The following NFATC4 variants were observed in gnomAD, a reference collection of about 807,000 sequenced individuals.
The protein encoded by NFATC4 is nuclear factor of activated T-cells, cytoplasmic 4.
A neutral mutation model predicts 73.4 loss-of-function variants in NFATC4; 25 were observed. That is an observed-to-expected ratio of 0.34 (90% CI 0.25 to 0.48). The LOEUF (loss-of-function observed/expected upper bound fraction) is 0.48, where lower values mean the gene tolerates loss of function less well. NFATC4 is among the 20% of genes least tolerant of loss of function. The pLI is 0.99. For synonymous variants in NFATC4, 523 were observed against 510.3 expected, an observed-to-expected ratio of 1.02 and a Z score of -0.34; for missense variants, 1,130 against 1,203.7, an observed-to-expected ratio of 0.94 and a Z score of 0.91.
chr14:24,373,962 T>G lies in NFATC4; in HGVS notation c.1732+95T>G. On this transcript the variant is annotated intron_variant, in intron 5 of 9. Transcript: ENST00000250373. This position sits in a 1 kb window ranked among gnomAD's most constrained non-coding sequence, Gnocchi z 4.7. ...TGCCCATTCCCTCTGCAGCGTCCTGTGCCCTGTCTGTCCTGGGTAGCTCTA... is the reference window on the plus strand; with the variant it reads ...TGCCCATTCCCTCTGCAGCGTCCTGGGCCCTGTCTGTCCTGGGTAGCTCTA... 6.6e-7 allele frequency: 1 copy of G among 1,522,998 alleles called. No homozygotes were observed. The highest frequency in any genetic ancestry group is 9.0e-7 in the Non-Finnish European group (1 of 1,115,112). The allele number at this position is 1,522,998 out of a possible 1,614,324, so 94.3% of individuals were successfully genotyped here. A position where few individuals can be genotyped will look rare whatever the true frequency, so the allele number is the denominator to read the frequency against.
At position 24,369,549 on chromosome 14, in the gene NFATC4, C is replaced by T; in HGVS notation, c.151C>T (p.Pro51Ser). Reference protein sequence around the residue: ...PPCCRLALGEPPPYGAAPIGI... With the variant: ...PPCCRLALGESPPYGAAPIGI... ...ATGCTGCCGTCTGGCCTTGGGAGAG[C>T]CCCCTCCCTATGGCGCTGCACCTAT... The change falls in exon 2 of 10, where the codon CCC becomes TCC. Residue 51 changes from proline (P) to serine (S), a missense_variant. Coordinates refer to ENST00000250373, the MANE Select transcript of NFATC4 (RefSeq NM_004554.5). 26 of 1,609,570 alleles carry T rather than the reference C, an allele frequency of 1.6e-5. No homozygotes were observed. The highest frequency in any genetic ancestry group is 2.0e-5 in the Non-Finnish European group (24 of 1,177,036).
chr14:24,372,916 T>C, intron 3 of NFATC4: 1 of 598,204 alleles, frequency 1.7e-6, no homozygotes, highest in Non-Finnish European at 2.9e-6. Flanking sequence ...GTTTTCTCTG[T>C]ATTGAGTTGG....
chr14:24,372,308 G>A (rs377643838), intron 2 of NFATC4, 133 bp from the exon 3 acceptor site: 2 of 930,520 alleles, frequency 2.1e-6, no homozygotes, highest in South Asian at 1.9e-5. Context: ...TTTCACAAGT[G>A]TTAATGTACT....
At chr14:24,375,759 G>GGGGGGCCCC in intron 7 of NFATC4, 44 bp downstream of exon 7, 4 of 616,990 alleles carry the variant, frequency 6.5e-6, no homozygotes, top group Non-Finnish European at 8.9e-6. Flanking sequence ...GGGGGTGGGA[G>GGGGGGCCCC]AAGGCAGGGG....
At chr14:24,374,135 C>T (rs1428004317) in intron 5 of NFATC4, 191 bp from the exon 6 acceptor site, 1 of 906,678 alleles carries the variant, frequency 1.1e-6, no homozygotes, top group Non-Finnish European at 1.7e-6. Context: ...GTTTAACCCT[C>T]TCTCTGCTCT....
At position 24,369,785 on chromosome 14, in the gene NFATC4, A is replaced by G. The variant is rs750702833; in HGVS notation, c.387A>G (p.Ala129=). The change falls in exon 2 of 10, where the codon GCA becomes GCG. Residue 129 remains alanine (A), a synonymous_variant. Transcript: ENST00000250373. ...TSISPTPEPP[A]ALEDNPDAWG... is the part of the protein sequence containing the mutation. ...TCTCTCCCACGCCGGAGCCGCCAGCAGCGCTGGAGGACAACCCTGATGCCT... is the reference window on the plus strand; with the variant it reads ...TCTCTCCCACGCCGGAGCCGCCAGCGGCGCTGGAGGACAACCCTGATGCCT... 3 of 1,596,378 alleles carry G rather than the reference A, an allele frequency of 1.9e-6. No homozygotes were observed. In the African/African-American group the frequency reaches 4.0e-5, roughly 21 times the overall value.
chr14:24,367,224 G>C (rs1054726399), upstream of NFATC4: 7 of 1,613,598 alleles, frequency 4.3e-6, no homozygotes, highest in Middle Eastern at 1.6e-4. Flanking sequence ...GGTGACAGGT[G>C]TCCAGCCTGT....
Position 24,370,439 on chromosome 14 carries a change from T to C in NFATC4, c.1041T>C (p.Pro347=). 6.2e-7 allele frequency: 1 copy of C among 1,614,150 alleles called. No individual in the cohort carries two copies. The highest frequency in any genetic ancestry group is 8.5e-7 in the Non-Finnish European group (1 of 1,180,030). ...TGGCTCTGCCTCGGTCTGAGGAGCC[T>C]GCCTCATGCAATGGGAAGCTGCCCT... The part of the protein sequence containing the change: ...QAVALPRSEE[P]ASCNGKLPLG... Residue 347 remains proline, a synonymous_variant, in exon 2 of 10, where the codon CCT becomes CCC. Coordinates refer to ENST00000250373, the MANE Select transcript of NFATC4 (RefSeq NM_004554.5).
chr14:24,373,278 C>A lies in NFATC4; in HGVS notation c.1467C>A (p.Gly489=). 4 of 1,614,206 alleles carry A rather than the reference C, an allele frequency of 2.5e-6. No individual in the cohort carries two copies. The highest frequency in any genetic ancestry group is 3.4e-6 in the Non-Finnish European group (4 of 1,180,046). ...HAFYQVHRIT[G]KMVATASYEA... is the part of the protein sequence containing the mutation. ...TCTATCAGGTGCACCGTATCACAGG[C>A]AAGATGGTGGCCACGGCCAGCTATG... The change falls in exon 4 of 10, where the codon GGC becomes GGA. Residue 489 remains glycine, a synonymous_variant. Coordinates refer to ENST00000250373, the MANE Select transcript of NFATC4 (RefSeq NM_004554.5). This position sits in a 1 kb window ranked among gnomAD's most constrained non-coding sequence, Gnocchi z 4.7.
intron 6 of NFATC4, 184 bp downstream of exon 6, chr14:24,374,650 T>C: frequency 1.8e-6 from 1 of 557,438 alleles, no homozygotes; most frequent in Non-Finnish European, 3.1e-6. Flanking sequence ...ATGACAGCAA[T>C]CTAAAATGTT....
rs1469080423 is a variant in NFATC4 at position 24,369,911 on chromosome 14, T to TGGC, written c.514_516dup (p.Gly172dup). On this transcript the variant is annotated inframe_insertion, in exon 2 of 10. Transcript: ENST00000250373. ...GGGGGGCCTTCTTCAGCCCAAGCCC[T>TGGC]GGCAGCAGCAGCCTGTCCTCGTGGA... 7 of 1,612,592 alleles carry TGGC rather than the reference T, an allele frequency of 4.3e-6. No homozygotes were observed. The highest frequency in any genetic ancestry group is 5.9e-6 in the Non-Finnish European group (7 of 1,179,816).
Position 24,373,433 on chromosome 14 carries a change from A to G in NFATC4, c.1559+63A>G, listed in dbSNP as rs1174197098. 2.2e-5 allele frequency: 35 copies of G among 1,558,330 alleles called. No homozygotes were observed. The highest frequency in any genetic ancestry group is 3.0e-5 in the Non-Finnish European group (34 of 1,137,418). On this transcript the variant is annotated intron_variant, in intron 4 of 9. Coordinates refer to ENST00000250373, the MANE Select transcript of NFATC4 (RefSeq NM_004554.5). The surrounding 1 kb of genome is among the most constrained non-coding windows in gnomAD (Gnocchi z 4.7). ...TGTACTAGCTTTCTCCACTGGGCCT[A>G]TGCTAGCCCACTTCTTCCTTTTCCC... is the stretch of plus-strand genomic sequence containing the variant.
rs1391515809 is a variant in NFATC4 at position 24,376,151 on chromosome 14, G to C, written c.2056+50G>C. ...GGGGGTATAGGGATATGGGGAGCTGGAGCAGGAGCAGAGGGAAGCAGTACT... is the reference window on the plus strand; with the variant it reads ...GGGGGTATAGGGATATGGGGAGCTGCAGCAGGAGCAGAGGGAAGCAGTACT... On this transcript the variant is annotated intron_variant, in intron 8 of 9. Coordinates refer to ENST00000250373, the MANE Select transcript of NFATC4 (RefSeq NM_004554.5). This position sits in a 1 kb window ranked among gnomAD's most constrained non-coding sequence, Gnocchi z 5.0. 2 of 1,612,506 alleles carry C rather than the reference G, an allele frequency of 1.2e-6. No homozygotes were observed. Among genetic ancestry groups the C allele is most frequent in the Non-Finnish European group, 1.7e-6 (2 of 1,179,026 alleles).
chr14:24,368,607 G>A (rs145015363), intron 1 of NFATC4, among the ~76,000 whole-genome samples, 167 bp downstream of exon 1: 204 of 134,152 alleles, frequency 1.5e-3, no homozygotes, highest in African/African-American at 5.4e-3. Flanking sequence ...GGGGGCCCGG[G>A]CACCACTTTC....
Position 24,376,120 on chromosome 14 carries a change from C to A in NFATC4, c.2056+19C>A, listed in dbSNP as rs1388946188. 1.2e-6 allele frequency: 2 copies of A among 1,613,844 alleles called. No individual in the cohort carries two copies. Among genetic ancestry groups the A allele is most frequent in the East Asian group, 2.2e-5 (1 of 44,878 alleles). On this transcript the variant is annotated intron_variant, in intron 8 of 9. Coordinates refer to ENST00000250373, the MANE Select transcript of NFATC4 (RefSeq NM_004554.5). This position sits in a 1 kb window ranked among gnomAD's most constrained non-coding sequence, Gnocchi z 5.0. ...CTGCCTGGTGCGCTCTGGGACAGCC[C>A]ATGGTGGGGGTATAGGGATATGGGG...
Position 24,377,897 on chromosome 14 carries a change from G to A in NFATC4, c.*192G>A. 8.6e-7 allele frequency: 1 copy of A among 1,164,810 alleles called. No individual in the cohort carries two copies. Among genetic ancestry groups the A allele is most frequent in the East Asian group, 2.6e-5 (1 of 38,706 alleles). The allele number at this position is 1,164,810 out of a possible 1,614,324, so 72.2% of individuals were successfully genotyped here. ...TGGCCCTCAGGCCTGGTGCTGCCTT[G>A]GAGGGCTGGGGGAAGGAGTGTGTGG... On this transcript the variant is annotated 3_prime_UTR_variant, in exon 10 of 10. Transcript: ENST00000250373. This position sits in a 1 kb window ranked among gnomAD's most constrained non-coding sequence, Gnocchi z 4.2.
chr14:24,367,117 G>A, upstream of NFATC4: 2 of 1,613,656 alleles, frequency 1.2e-6, no homozygotes, highest in Non-Finnish European at 1.7e-6. Context: ...ACCGAGTCAC[G>A]AATCTCCCAT....
Position 24,373,140 on chromosome 14 carries a change from C to T in NFATC4, c.1360-31C>T. On this transcript the variant is annotated intron_variant, in intron 3 of 9. Coordinates refer to ENST00000250373, the MANE Select transcript of NFATC4 (RefSeq NM_004554.5). The surrounding 1 kb of genome is among the most constrained non-coding windows in gnomAD (Gnocchi z 4.7). ...ATAAAGGATGAGACGGTGGGGATTT[C>T]AATGAGGTGGCCGCTCTCTCCCTCT... is the stretch of plus-strand genomic sequence containing the variant. 3 of 1,606,220 alleles carry T rather than the reference C, an allele frequency of 1.9e-6. No homozygotes were observed. Among genetic ancestry groups the T allele is most frequent in the Non-Finnish European group, 8.5e-7 (1 of 1,173,494 alleles).
In NFATC4 at chr14:24,370,178, G is replaced by A. The variant is rs752390784; in HGVS notation, c.780G>A (p.Pro260=). ...LSAPGPTPAS[P]RPASPCGKRR... ...CTCCTGGGCCCACCCCAGCCTCCCCGCGGCCTGCCTCTCCATGTGGCAAGC... is the reference window on the plus strand; with the variant it reads ...CTCCTGGGCCCACCCCAGCCTCCCCACGGCCTGCCTCTCCATGTGGCAAGC... Residue 260 remains proline, a synonymous_variant, in exon 2 of 10, where the codon CCG becomes CCA. Coordinates refer to ENST00000250373, the MANE Select transcript of NFATC4 (RefSeq NM_004554.5). 4.4e-6 allele frequency: 7 copies of A among 1,605,196 alleles called. No individual in the cohort carries two copies. The highest frequency in any genetic ancestry group is 4.0e-5 in the African/African-American group (3 of 74,912).
Sources: gnomAD v4.1 joint callset for allele counts (sites outside exome capture counted in the v4.1 genomes callset) on GRCh38, gnomAD v4.1.1 for gene constraint, Gnocchi (gnomAD v3.1) non-coding constraint, MANE v1.5 for transcripts, NCBI Gene and HGNC (gene_info 2026-07-23, HGNC 2026-07-21) for gene names.